The following HS6ST3 variants were observed in gnomAD, a reference collection of about 807,000 sequenced individuals.
HS6ST3 encodes the protein heparan sulfate 6-O-sulfotransferase 3.
HS6ST3 carries 12 observed loss-of-function variants against 36.7 expected under a neutral mutation model. The ratio of observed to expected loss-of-function variants is 0.33; its 90% CI spans 0.21 to 0.53. HS6ST3 has a LOEUF of 0.53. Among genes scored for constraint, HS6ST3 ranks in the 20% least tolerant of loss-of-function variants. The probability of loss-of-function intolerance (pLI) is 0.95; values close to 1 mark genes in which losing one functional copy is unlikely to be tolerated. For synonymous variants in HS6ST3, 240 were observed against 257.5 expected, an observed-to-expected ratio of 0.93 and a Z score of 0.65; for missense variants, 584 against 640.9, an observed-to-expected ratio of 0.91 and a Z score of 0.96.
chr13:96,397,729 A>G (rs1162211780), intron 1 of HS6ST3, among the ~76,000 whole-genome samples: 1 of 152,256 alleles, frequency 6.6e-6, no homozygotes, highest in Non-Finnish European at 1.5e-5. Flanking sequence ...CTGTACTTTC[A>G]TATGTATAGT....
intron 1 of HS6ST3, among the ~76,000 whole-genome samples, chr13:96,369,448 G>C (rs1038852931): frequency 7.2e-5 from 11 of 152,284 alleles, no homozygotes; most frequent in Admixed American, 2.0e-4. Context: ...TGAGGACACC[G>C]TGTGAGTATA....
At chr13:96,648,180 C>T (rs2056595294) in intron 1 of HS6ST3, among the ~76,000 whole-genome samples, 1 of 152,064 alleles carries the variant, frequency 6.6e-6, no homozygotes, top group Admixed American at 6.6e-5. Context: ...GTCCCCTCCC[C>T]TGGAGTTGGT....
intron 1 of HS6ST3, among the ~76,000 whole-genome samples, chr13:96,757,276 C>T (rs1345656828): frequency 6.6e-6 from 1 of 152,144 alleles, no homozygotes; most frequent in African/African-American, 2.4e-5. Flanking sequence ...TAGCTAGAGG[C>T]AAGCCAGTGA....
chr13:96,464,952 G>C (rs2055804854), intron 1 of HS6ST3, among the ~76,000 whole-genome samples: 1 of 26,480 alleles, frequency 3.8e-5, no homozygotes, highest in Non-Finnish European at 2.3e-4. Flanking sequence ...TGCTTCGTGT[G>C]TGTGTGTGTG....
chr13:96,282,059 T>A lies in HS6ST3; in HGVS notation c.707+190490T>A, dbSNP rs768448542. ...GTTAACTTCTGTTGTATTTTAATCT[T>A]CTGATTCTTCTCAGTAACTATTCTA... On this transcript the variant is annotated intron_variant, in intron 1 of 1. Coordinates refer to ENST00000376705, the MANE Select transcript of HS6ST3 (RefSeq NM_153456.4). Among the ~76,000 whole-genome samples the A allele has an allele frequency of 3.5e-4, 53 of 152,218 alleles. 1 individual carries two copies. Among genetic ancestry groups the A allele is most frequent in the Non-Finnish European group, 1.0e-4 (7 of 68,030 alleles).
At chr13:96,742,361 C>T (rs1566443224) in intron 1 of HS6ST3, among the ~76,000 whole-genome samples, 1 of 152,006 alleles carries the variant, frequency 6.6e-6, no homozygotes, top group Non-Finnish European at 1.5e-5. Context: ...CAAACTGTAG[C>T]TTTAATACAG....
At chr13:96,201,990 T>C (rs974068933) in intron 1 of HS6ST3, among the ~76,000 whole-genome samples, 15 of 152,314 alleles carry the variant, frequency 9.8e-5, no homozygotes, top group African/African-American at 3.6e-4. Flanking sequence ...AAATGAAACA[T>C]TTAGTCAAAA....
intron 1 of HS6ST3, among the ~76,000 whole-genome samples, chr13:96,335,302 A>C (rs1281430569): frequency 6.6e-6 from 1 of 152,102 alleles, no homozygotes; most frequent in Non-Finnish European, 1.5e-5. Flanking sequence ...AGTCACCCAG[A>C]CCTGCTTTTG....
chr13:96,674,782 G>A (rs1251283032), intron 1 of HS6ST3, among the ~76,000 whole-genome samples: 1 of 152,086 alleles, frequency 6.6e-6, no homozygotes, highest in African/African-American at 2.4e-5. Context: ...CCCTATCTCT[G>A]TTCCTCCTCC....
chr13:96,561,394 TA>T (rs2056261557), intron 1 of HS6ST3, among the ~76,000 whole-genome samples: 1 of 152,142 alleles, frequency 6.6e-6, no homozygotes, highest in South Asian at 2.1e-4. Flanking sequence ...CAAGATGGCA[TA>T]AAGATTTAAA....
intron 1 of HS6ST3, among the ~76,000 whole-genome samples, chr13:96,136,882 TCTAGGTATTG>T (rs1782251784): frequency 6.6e-6 from 1 of 152,020 alleles, no homozygotes; most frequent in Non-Finnish European, 1.5e-5. Context: ...TTAGATACCA[TCTAGGTATTG>T]ATGGTTTTCC....
At chr13:96,322,868 C>T (rs910231255) in intron 1 of HS6ST3, among the ~76,000 whole-genome samples, 2 of 152,204 alleles carry the variant, frequency 1.3e-5, no homozygotes, top group Non-Finnish European at 2.9e-5. Context: ...TTCTTACCTG[C>T]CCTATCAGCA....
intron 1 of HS6ST3, among the ~76,000 whole-genome samples, chr13:96,595,654 A>G (rs952701287): frequency 1.3e-5 from 2 of 151,838 alleles, no homozygotes; most frequent in Non-Finnish European, 2.9e-5. Flanking sequence ...TCTCCCTCTT[A>G]CATTCTTATG....
intron 1 of HS6ST3, among the ~76,000 whole-genome samples, chr13:96,489,038 C>T (rs2138904105): frequency 6.6e-6 from 1 of 152,062 alleles, no homozygotes; most frequent in Non-Finnish European, 1.5e-5. Context: ...ACATGTGACA[C>T]TCAGAAATAT....
chr13:96,490,931 T>C (rs2055942035), intron 1 of HS6ST3, among the ~76,000 whole-genome samples: 1 of 152,244 alleles, frequency 6.6e-6, no homozygotes. Flanking sequence ...AAGCCACCTA[T>C]GGCGAACCAC....
rs541364469 is a variant in HS6ST3, at chr13:96,643,178, G to A, written c.708-189312G>A. Among the ~76,000 whole-genome samples the A allele has an allele frequency of 5.9e-5, 9 of 152,018 alleles. No individual in the cohort carries two copies. In the South Asian group the frequency reaches 6.2e-4, roughly 10 times the overall value. On this transcript the variant is annotated intron_variant, in intron 1 of 1. Transcript: ENST00000376705. The stretch of plus-strand genomic sequence containing the variant: ...TGACCTTAGTGGTCAGCTAATGATT[G>A]GAAAGAGACTTTTTTATATGCCTGA...
intron 1 of HS6ST3, among the ~76,000 whole-genome samples, chr13:96,248,879 G>GCT (rs1352211467): frequency 6.6e-6 from 1 of 152,166 alleles, no homozygotes; most frequent in Non-Finnish European, 1.5e-5. Flanking sequence ...TGCTAGTCAA[G>GCT]TTATCTCAAA....
chr13:96,439,742 C>T (rs7988667), intron 1 of HS6ST3, among the ~76,000 whole-genome samples: 48,641 of 152,062 alleles, frequency 0.32, 7,838 homozygotes, highest in South Asian at 0.44. Context: ...TTAGTGCTAA[C>T]GCAGTACATG....
At chr13:96,787,279 G>A (rs1877675286) in intron 1 of HS6ST3, among the ~76,000 whole-genome samples, 1 of 152,094 alleles carries the variant, frequency 6.6e-6, no homozygotes, top group Non-Finnish European at 1.5e-5. Flanking sequence ...TCCTACCACA[G>A]GAGTGATAAA....
Sources: gnomAD v4.1 joint callset for allele counts (sites outside exome capture counted in the v4.1 genomes callset) on GRCh38, gnomAD v4.1.1 for gene constraint, MANE v1.5 for transcripts, NCBI Gene and HGNC (gene_info 2026-07-23, HGNC 2026-07-21) for gene names.